The following CLASP1 variants were observed in gnomAD, a reference collection of about 807,000 sequenced individuals.
CLASP1 encodes CLIP-associating protein 1.
In CLASP1, 38 loss-of-function variants were observed where a neutral mutation model predicts 192.3. The ratio of observed to expected loss-of-function variants is 0.20; its 90% CI spans 0.15 to 0.26. The LOEUF (loss-of-function observed/expected upper bound fraction) is 0.26. Ranked by LOEUF, CLASP1 falls within the 10% of genes least tolerant of loss-of-function variation. CLASP1 has a pLI of 1.00. For synonymous variants in CLASP1, 691 were observed against 712.8 expected, an observed-to-expected ratio of 0.97 and a Z score of 0.49; for missense variants, 1,433 against 1,932.5, an observed-to-expected ratio of 0.74 and a Z score of 4.85.
At chr2:121,460,985 A>C (rs1430647906) in intron 11 of CLASP1, 116 bp downstream of exon 11, 5 of 665,404 alleles carry the variant, frequency 7.5e-6, no homozygotes, top group Non-Finnish European at 1.3e-5. Context: ...TGATAATTTG[A>C]ACTTAAAATA....
intron 23 of CLASP1, among the ~76,000 whole-genome samples, chr2:121,416,683 C>A (rs920911519): frequency 2.0e-5 from 3 of 152,178 alleles, no homozygotes; most frequent in Non-Finnish European, 4.4e-5. Context: ...TCAGAACAAG[C>A]ATTTAATATA....
intron 2 of CLASP1, among the ~76,000 whole-genome samples, chr2:121,589,680 C>A (rs552536867): frequency 3.0e-4 from 45 of 150,378 alleles, no homozygotes; most frequent in Non-Finnish European, 5.5e-4. Context: ...TATTTGCCAT[C>A]TTCCAGTTTA....
At chr2:121,543,308 C>A (rs989397829) in intron 2 of CLASP1, among the ~76,000 whole-genome samples, 1 of 152,018 alleles carries the variant, frequency 6.6e-6, no homozygotes, top group African/African-American at 2.4e-5. Context: ...GATTTTAAAC[C>A]CTGGCAACTT....
chr2:121,371,219 GTA>G (rs397970013), intron 34 of CLASP1, among the ~76,000 whole-genome samples: 15 of 150,800 alleles, frequency 9.9e-5, no homozygotes, highest in African/African-American at 2.4e-4. Flanking sequence ...GTGTGTGTGT[GTA>G]TATATACATA....
intron 2 of CLASP1, among the ~76,000 whole-genome samples, chr2:121,599,916 C>CAAA (rs749861641): frequency 2.5e-5 from 2 of 78,436 alleles, no homozygotes; most frequent in Non-Finnish European, 6.0e-5. Context: ...GAGACTCTGT[C>CAAA]AAAAAAAAAA....
chr2:121,430,275 C>T, intron 19 of CLASP1, 98 bp from the exon 20 acceptor site: 5 of 836,288 alleles, frequency 6.0e-6, no homozygotes, highest in Non-Finnish European at 9.5e-6. Flanking sequence ...CACTGACCAG[C>T]CAACTACATG....
At chr2:121,572,244 C>T (rs528156616) in intron 2 of CLASP1, among the ~76,000 whole-genome samples, 11 of 152,138 alleles carry the variant, frequency 7.2e-5, no homozygotes, top group African/African-American at 2.2e-4. Flanking sequence ...CTGGCTAACA[C>T]GGTGAAACCC....
chr2:121,523,900 GGAA>G (rs1042291340), intron 6 of CLASP1, among the ~76,000 whole-genome samples: 1 of 152,216 alleles, frequency 6.6e-6, no homozygotes, highest in East Asian at 1.9e-4. Flanking sequence ...AAGAAAAAGA[GGAA>G]GAAGGGGAAA....
intron 8 of CLASP1, among the ~76,000 whole-genome samples, chr2:121,493,767 A>C (rs2093418696): frequency 6.6e-6 from 1 of 152,160 alleles, no homozygotes; most frequent in Non-Finnish European, 1.5e-5. Flanking sequence ...CAAATAATTC[A>C]ATTTAAAAGT....
chr2:121,549,428 C>G (rs763600066), intron 2 of CLASP1, among the ~76,000 whole-genome samples: 1 of 152,020 alleles, frequency 6.6e-6, no homozygotes, highest in Non-Finnish European at 1.5e-5. Context: ...CAAGAGCACC[C>G]AGATTCATAA....
At position 121,621,728 on chromosome 2, in the gene CLASP1, T is replaced by G. The variant is rs529824821; in HGVS notation, c.-285-15548A>C. Among the ~76,000 whole-genome samples, 4 of 152,376 alleles carry G rather than the reference T, an allele frequency of 2.6e-5. No homozygotes were observed. In the South Asian group the frequency reaches 8.3e-4, roughly 32 times the overall value. Reference sequence around the variant, plus strand: ...ATTATTGTAACTTTGTAGTAAGTTATGAAAGTCCTCCAACTTTTTTTCAAG... The same window carrying G: ...ATTATTGTAACTTTGTAGTAAGTTAGGAAAGTCCTCCAACTTTTTTTCAAG... On this transcript the variant is annotated intron_variant, in intron 1 of 39. Coordinates refer to ENST00000263710, the Ensembl canonical transcript of CLASP1.
chr2:121,383,740 T>C (rs2072345481), intron 32 of CLASP1, among the ~76,000 whole-genome samples: 1 of 151,958 alleles, frequency 6.6e-6, no homozygotes, highest in Non-Finnish European at 1.5e-5. Flanking sequence ...CTGAAGCCCC[T>C]TGCAACTCAG....
In CLASP1 at chr2:121,525,946, G is replaced by C. The variant is rs2094564072; in HGVS notation, c.471-26C>G. The C allele has an allele frequency of 1.9e-6, 3 of 1,565,660 alleles. No homozygotes were observed. The South Asian group carries it at 3.4e-5, about 18-fold the overall frequency. On this transcript the variant is annotated intron_variant, in intron 5 of 39. Transcript: ENST00000263710. ...CTGAAAACAAAAGGAGTGCTTTCTT[G>C]TTAGTGAGAACTGAGGAAAGAAAGA... is the stretch of plus-strand genomic sequence containing the variant.
chr2:121,493,572 G>A (rs1225263199), intron 8 of CLASP1, among the ~76,000 whole-genome samples: 1 of 152,156 alleles, frequency 6.6e-6, no homozygotes, highest in East Asian at 1.9e-4. Flanking sequence ...AAACTCTCCA[G>A]GACATTGGTC....
At chr2:121,405,872 G>A (rs2076838900) in intron 25 of CLASP1, among the ~76,000 whole-genome samples, 1 of 152,196 alleles carries the variant, frequency 6.6e-6, no homozygotes, top group South Asian at 2.1e-4. Flanking sequence ...GCAGGTATGA[G>A]TACGGGAGGG....
intron 2 of CLASP1, among the ~76,000 whole-genome samples, chr2:121,588,324 T>C (rs982612766): frequency 6.6e-6 from 1 of 152,098 alleles, no homozygotes; most frequent in Non-Finnish European, 1.5e-5. Context: ...CTTATACATA[T>C]CAATACCTAA....
intron 8 of CLASP1, among the ~76,000 whole-genome samples, chr2:121,477,842 G>C (rs2091830310): frequency 6.6e-6 from 1 of 152,150 alleles, no homozygotes; most frequent in African/African-American, 2.4e-5. Context: ...ACCAGGTCCT[G>C]GGTTTGGTTT....
chr2:121,398,244 TG>T (rs1394510034), intron 29 of CLASP1, 77 bp downstream of exon 30: 1 of 1,006,252 alleles, frequency 9.9e-7, no homozygotes, highest in African/African-American at 1.6e-5. Context: ...TAGCTAAACA[TG>T]GGTCATACAT....
At chr2:121,380,784 C>T (rs2071450190) in intron 33 of CLASP1, among the ~76,000 whole-genome samples, 1 of 152,194 alleles carries the variant, frequency 6.6e-6, no homozygotes, top group Non-Finnish European at 1.5e-5. Flanking sequence ...AGTCAACTAT[C>T]CCTGCCTCCA....
Sources: allele counts gnomAD v4.1 joint callset (sites outside exome capture counted in the v4.1 genomes callset), GRCh38; gene constraint gnomAD v4.1.1; transcripts MANE v1.5; gene names NCBI Gene and HGNC (gene_info 2026-07-23, HGNC 2026-07-21).